PDE1C: variants seen among roughly 807,000 people sequenced by gnomAD.
PDE1C encodes phosphodiesterase 1C.
PDE1C carries 62 observed loss-of-function variants against 93.1 expected under a neutral mutation model. The observed-to-expected ratio is 0.67, with a 90% confidence interval of 0.54 to 0.82. The LOEUF is 0.82. Ranked by LOEUF, PDE1C falls within the 40% of genes least tolerant of loss-of-function variation. PDE1C has a pLI of 0.00. For missense variants in PDE1C, 742 were observed against 884.6 expected, an observed-to-expected ratio of 0.84 and a Z score of 2.04; for synonymous variants, 325 against 310.1, an observed-to-expected ratio of 1.05 and a Z score of -0.50.
At chr7:32,338,639 C>T (rs1023466126) in intron 1 of PDE1C, among the ~76,000 whole-genome samples, 3 of 152,070 alleles carry the variant, frequency 2.0e-5, no homozygotes, top group African/African-American at 7.2e-5. Context: ...GGGTATGTAT[C>T]CAAAATAATT....
At chr7:31,952,213 C>T (rs1166292974) in intron 2 of PDE1C, among the ~76,000 whole-genome samples, 1 of 152,176 alleles carries the variant, frequency 6.6e-6, no homozygotes, top group East Asian at 1.9e-4. Context: ...ATTCCCTACC[C>T]TTCTTAAGGT....
intron 2 of PDE1C, among the ~76,000 whole-genome samples, chr7:31,920,392 C>T (rs1469039056): frequency 6.6e-6 from 1 of 152,162 alleles, no homozygotes; most frequent in Non-Finnish European, 1.5e-5. Context: ...CCACCCTCCT[C>T]AGAACCAGCT....
At chr7:31,905,445 G>A (rs1274666578) in intron 2 of PDE1C, among the ~76,000 whole-genome samples, 1 of 152,038 alleles carries the variant, frequency 6.6e-6, no homozygotes, top group Non-Finnish European at 1.5e-5. Context: ...ACCTTTTCTT[G>A]CAGGATTATC....
chr7:32,131,487 A>G (rs1799917504), intron 3 of PDE1C, among the ~76,000 whole-genome samples: 2 of 152,192 alleles, frequency 1.3e-5, no homozygotes, highest in African/African-American at 2.4e-5. Flanking sequence ...AGGAAGTATC[A>G]GAGCTTCCTT....
chr7:32,202,311 C>T (rs1416320161), intron 2 of PDE1C, among the ~76,000 whole-genome samples: 4 of 152,168 alleles, frequency 2.6e-5, no homozygotes, highest in Non-Finnish European at 5.9e-5. Flanking sequence ...GAGTGAGTCT[C>T]AGTGTCCTGC....
At chr7:32,426,552 G>A (rs1785539196) in intron 1 of PDE1C, among the ~76,000 whole-genome samples, 2 of 152,176 alleles carry the variant, frequency 1.3e-5, no homozygotes, top group Admixed American at 6.5e-5. Flanking sequence ...GCACCTGGCT[G>A]TACTCATTTT....
intron 1 of PDE1C, among the ~76,000 whole-genome samples, chr7:32,336,446 G>A (rs764111295): frequency 2.6e-5 from 4 of 152,114 alleles, no homozygotes; most frequent in South Asian, 4.1e-4. Flanking sequence ...TGTAAAAAAT[G>A]GAAAAATGAC....
the PDE1C span, among the ~76,000 whole-genome samples, chr7:31,691,577 C>T: frequency 1.1e-4 from 17 of 151,976 alleles, no homozygotes; most frequent in East Asian, 1.9e-4. Flanking sequence ...TGCTCCTGGG[C>T]GACAGCTATA....
At chr7:32,083,445 G>C (rs938146665) in intron 3 of PDE1C, among the ~76,000 whole-genome samples, 2 of 152,156 alleles carry the variant, frequency 1.3e-5, no homozygotes, top group African/African-American at 2.4e-5. Context: ...TTATCCAGGA[G>C]AACTTCCCCA....
chr7:32,327,637 G>A (rs577474365), intron 1 of PDE1C, among the ~76,000 whole-genome samples: 2 of 152,174 alleles, frequency 1.3e-5, no homozygotes, highest in East Asian at 3.9e-4. Context: ...CATGGTGGCG[G>A]CGCATGCCTG....
intron 2 of PDE1C, among the ~76,000 whole-genome samples, chr7:31,934,977 G>A (rs1246959827): frequency 6.6e-6 from 1 of 152,174 alleles, no homozygotes; most frequent in Non-Finnish European, 1.5e-5. Flanking sequence ...AAACTACAGT[G>A]ATAGTGCTAC....
At chr7:32,359,942 C>T (rs1340820527) in intron 1 of PDE1C, among the ~76,000 whole-genome samples, 1 of 152,188 alleles carries the variant, frequency 6.6e-6, no homozygotes, top group East Asian at 1.9e-4. Context: ...CACATCCATT[C>T]CTCCATTGAC....
intron 2 of PDE1C, among the ~76,000 whole-genome samples, chr7:31,996,257 TC>T (rs1784715927): frequency 6.6e-6 from 1 of 151,518 alleles, no homozygotes; most frequent in African/African-American, 2.4e-5. Flanking sequence ...AGCAAAGTTT[TC>T]CCACCCCGCC....
intron 2 of PDE1C, among the ~76,000 whole-genome samples, chr7:31,965,307 G>A (rs941849489): frequency 9.2e-5 from 14 of 152,216 alleles, no homozygotes; most frequent in African/African-American, 2.4e-4. Context: ...ACTATGTGAC[G>A]AACGCACAAG....
At chr7:32,293,770 G>A (rs1408162213) in intron 1 of PDE1C, among the ~76,000 whole-genome samples, 1 of 152,136 alleles carries the variant, frequency 6.6e-6, no homozygotes, top group Admixed American at 6.5e-5. Context: ...TGAGCACTGG[G>A]AGGAGGCCAT....
At chr7:31,824,734 G>C (rs1464131474) in intron 13 of PDE1C, 133 bp downstream of exon 13, 3 of 1,118,964 alleles carry the variant, frequency 2.7e-6, no homozygotes, top group Non-Finnish European at 3.9e-6. Flanking sequence ...AAGGAAAGAG[G>C]CAGACAAATT....
chr7:32,419,162 G>C lies in PDE1C; in HGVS notation c.310+8660C>G, dbSNP rs58758336. On this transcript the variant is annotated intron_variant, in intron 1 of 1. Transcript: ENST00000672256. Reference sequence around the variant, plus strand: ...AGTTTAAAGTGGAGGTGATATCTGAGATGGGCAAGTTTGAAATCTACAAGC... The same window carrying C: ...AGTTTAAAGTGGAGGTGATATCTGACATGGGCAAGTTTGAAATCTACAAGC... 3.7e-4 allele frequency among the ~76,000 whole-genome samples: 56 copies of C among 152,314 alleles called. No individual in the cohort carries two copies. The East Asian group carries it at 9.3e-3, about 25-fold the overall frequency.
chr7:31,846,374 T>C (rs1028927491), intron 9 of PDE1C, among the ~76,000 whole-genome samples: 1 of 151,826 alleles, frequency 6.6e-6, no homozygotes, highest in Non-Finnish European at 1.5e-5. Context: ...AAACAAGCTA[T>C]GGGGAAAGGA....
At chr7:32,068,938 G>T (rs1280480501) in intron 1 of PDE1C, among the ~76,000 whole-genome samples, 3 of 152,132 alleles carry the variant, frequency 2.0e-5, no homozygotes, top group Admixed American at 2.0e-4. Context: ...AATATAACAT[G>T]AGATTACTGT....
Sources: gnomAD v4.1 joint callset for allele counts (sites outside exome capture counted in the v4.1 genomes callset) on GRCh38, gnomAD v4.1.1 for gene constraint, MANE v1.5 for transcripts, NCBI Gene and HGNC (gene_info 2026-07-23, HGNC 2026-07-21) for gene names.